GP2: variants seen among roughly 807,000 people sequenced by gnomAD.
GP2 encodes the protein glycoprotein 2.
GP2 carries 58 observed loss-of-function variants against 60.8 expected under a neutral mutation model. That is an observed-to-expected ratio of 0.95 (90% CI 0.77 to 1.19). The LOEUF (loss-of-function observed/expected upper bound fraction) is 1.19. Among genes scored for constraint, GP2 ranks in the 50% most tolerant of loss-of-function variants. GP2 has a pLI of 0.00. For missense variants in GP2, 647 were observed against 667.4 expected (o/e 0.97, Z 0.34); for synonymous variants, 280 against 253.4 (o/e 1.10, Z -1.00).
intron 10 of GP2, 122 bp from the exon 11 acceptor site, chr16:20,311,403 C>A: frequency 5.8e-6 from 4 of 684,782 alleles, no homozygotes; most frequent in South Asian, 1.6e-5. Context: ...TGATATCTGG[C>A]CTAGTTATAG....
chr16:20,326,494 G>T (rs934122343), intron 1 of GP2, 27 bp from the exon 2 acceptor site: 2 of 1,593,738 alleles, frequency 1.3e-6, no homozygotes, highest in African/African-American at 2.7e-5. Flanking sequence ...ACCAAGATAA[G>T]ATTAGGGCAT....
At chr16:20,323,609 T>C in intron 3 of GP2, 1 of 587,580 alleles carries the variant, frequency 1.7e-6, no homozygotes, top group Non-Finnish European at 3.1e-6. Context: ...ATTTATAAAC[T>C]GGGAAATTTC....
chr16:20,320,202 T>C lies in GP2; in HGVS notation c.858+60A>G, dbSNP rs1204455711. On this transcript the variant is annotated intron_variant, in intron 5 of 10. Coordinates refer to ENST00000302555, the MANE Select transcript of GP2 (RefSeq NM_001502.4). ...CTTGTCCAAGATCTCAGAGCTACTA[T>C]GATAGGTCCCATCAGCCCAACACAT... 3.3e-6 allele frequency: 4 copies of C among 1,230,312 alleles called. No homozygotes were observed. In the East Asian group the frequency reaches 9.3e-5, roughly 29 times the overall value. 76.2% of individuals were successfully genotyped at this position (1,230,312 alleles called of 1,614,324 possible).
chr16:20,327,180 A>G (rs2141615291), intron 1 of GP2: 1 of 267,238 alleles, frequency 3.7e-6, no homozygotes, highest in African/African-American at 2.2e-5. Context: ...GGAAGCACCC[A>G]GGATTGGTGA....
intron 10 of GP2, among the ~76,000 whole-genome samples, chr16:20,313,236 G>GTT (rs1402245477): frequency 4.2e-5 from 6 of 144,264 alleles, no homozygotes; most frequent in Non-Finnish European, 9.2e-5. Context: ...ATGTAAAAAT[G>GTT]TTCTCTCTCT....
intron 2 of GP2, among the ~76,000 whole-genome samples, chr16:20,326,007 G>C (rs2141613311): frequency 6.6e-6 from 1 of 152,266 alleles, no homozygotes; most frequent in Admixed American, 6.5e-5. Flanking sequence ...TTCAGGAAAA[G>C]GAGAAGGCAC....
intron 4 of GP2, among the ~76,000 whole-genome samples, chr16:20,322,028 A>C (rs1033706265): frequency 6.6e-6 from 1 of 152,186 alleles, no homozygotes; most frequent in African/African-American, 2.4e-5. Flanking sequence ...AAGGAGATCA[A>C]GGTTGTTGGT....
chr16:20,320,571 A>G (rs1346491922), intron 4 of GP2, 98 bp from the exon 5 acceptor site: 2 of 803,680 alleles, frequency 2.5e-6, no homozygotes, highest in Non-Finnish European at 4.1e-6. Context: ...AAGATTATGT[A>G]GACTAGAAGG....
chr16:20,323,065 G>A (rs777825886), intron 3 of GP2, 86 bp from the exon 4 acceptor site: 28 of 720,868 alleles, frequency 3.9e-5, no homozygotes, highest in Middle Eastern at 3.5e-4. Context: ...TCATTTCACC[G>A]GGGCACAAGA....
chr16:20,314,924 C>A (rs1451025778), intron 9 of GP2, among the ~76,000 whole-genome samples: 1 of 152,188 alleles, frequency 6.6e-6, no homozygotes, highest in African/African-American at 2.4e-5. Context: ...GGAAAGTATT[C>A]TCATCCCCAT....
At chr16:20,316,144 C>G (rs1299843524) in intron 8 of GP2, 104 bp from the exon 9 acceptor site, 1 of 702,796 alleles carries the variant, frequency 1.4e-6, no homozygotes, top group Non-Finnish European at 2.6e-6. Flanking sequence ...GTGTCCAGAA[C>G]TGGTTCACGC....
At chr16:20,327,151 T>C (rs949955470) in intron 1 of GP2, among the ~76,000 whole-genome samples, 3 of 152,134 alleles carry the variant, frequency 2.0e-5, no homozygotes, top group African/African-American at 7.2e-5. Flanking sequence ...ATGAGTATGC[T>C]ATGAGACAGC....
rs751840927 is a variant in GP2 at position 20,322,970 on chromosome 16, G to A, written c.545C>T (p.Thr182Ile). The A allele has an allele frequency of 5.0e-6, 8 of 1,598,716 alleles. No individual in the cohort carries two copies. The highest frequency in any genetic ancestry group is 6.9e-6 in the Non-Finnish European group (8 of 1,166,114). ...GGCCTTCTCACACTTGTCCTCCACA[G>A]TGGATGGGTCTAGGTGATGGGGCAT... ...CNLRYCTDPS[T>I]VEDKCEKACR... is the part of the protein sequence containing the mutation. The change falls in exon 4 of 11, where the codon ACT becomes ATT. Residue 182 changes from threonine to isoleucine, a missense_variant. Thr to Ile is a moderately conservative substitution (Grantham distance 89). Coordinates refer to ENST00000302555, the MANE Select transcript of GP2 (RefSeq NM_001502.4).
At chr16:20,317,488 T>C (rs1489949154) in intron 7 of GP2, 113 bp from the exon 8 acceptor site, 1 of 761,744 alleles carries the variant, frequency 1.3e-6, no homozygotes, top group Admixed American at 2.5e-5. Flanking sequence ...TGTTCCTCTG[T>C]TTCCTCCAAG....
At chr16:20,322,776 CT>C (rs1964404888) in intron 4 of GP2, 92 bp downstream of exon 4, 1 of 695,190 alleles carries the variant, frequency 1.4e-6, no homozygotes, top group Admixed American at 2.2e-5. Flanking sequence ...ATGCCCCTGA[CT>C]CTGCTTTATA....
Position 20,318,233 on chromosome 16 carries a change from G to C in GP2, c.1205C>G (p.Pro402Arg). The C allele has an allele frequency of 1.2e-6, 2 of 1,612,254 alleles. No homozygotes were observed. Among genetic ancestry groups the C allele is most frequent in the South Asian group, 1.1e-5 (1 of 91,046 alleles). Residue 402 changes from proline to arginine, a missense_variant, in exon 7 of 11, where the codon CCC becomes CGC. Coordinates refer to ENST00000302555, the MANE Select transcript of GP2 (RefSeq NM_001502.4). Reference sequence around the variant, plus strand: ...CACAAGGTCAGCCTTGTCTTCAGTGGGGGTGGCATAGCAGTTCCTCAACAC... The same window carrying C: ...CACAAGGTCAGCCTTGTCTTCAGTGCGGGTGGCATAGCAGTTCCTCAACAC... ...NLVLRNCYAT[P>R]TEDKADLVKY...
At chr16:20,317,479 G>T in intron 7 of GP2, 104 bp from the exon 8 acceptor site, 2 of 815,368 alleles carry the variant, frequency 2.5e-6, no homozygotes, top group East Asian at 2.5e-5. Flanking sequence ...GACTTTTTCT[G>T]TTCCTCTGTT....
chr16:20,320,592 C>A, intron 4 of GP2, 119 bp from the exon 5 acceptor site: 4 of 721,074 alleles, frequency 5.5e-6, no homozygotes, highest in Non-Finnish European at 9.4e-6. Context: ...TCCCTGGGAT[C>A]CAGATGGAAT....
intron 7 of GP2, among the ~76,000 whole-genome samples, chr16:20,317,660 G>A (rs145877543): frequency 6.6e-6 from 1 of 152,176 alleles, no homozygotes; most frequent in Non-Finnish European, 1.5e-5. Context: ...GTAAAGTGGA[G>A]ACAGTAATAT....
Sources: allele counts gnomAD v4.1 joint callset (sites outside exome capture counted in the v4.1 genomes callset), GRCh38; gene constraint gnomAD v4.1.1; transcripts MANE v1.5; gene names NCBI Gene and HGNC (gene_info 2026-07-23, HGNC 2026-07-21).